GRM8: variants seen among roughly 807,000 people sequenced by gnomAD.
GRM8 encodes metabotropic glutamate receptor 8.
In GRM8, 47 loss-of-function variants were observed where a neutral mutation model predicts 87.2. The ratio of observed to expected loss-of-function variants is 0.54; its 90% CI spans 0.43 to 0.69. The LOEUF is 0.69. Among genes scored for constraint, GRM8 ranks in the 30% least tolerant of loss-of-function variants. The pLI, the probability that GRM8 is intolerant of heterozygous loss-of-function variation, is 0.00. For synonymous variants in GRM8, 396 were observed against 404.5 expected, an observed-to-expected ratio of 0.98 and a Z score of 0.25; for missense variants, 1,019 against 1,139.2, an observed-to-expected ratio of 0.89 and a Z score of 1.52.
chr7:126,666,712 A>T (rs775764278), intron 7 of GRM8, among the ~76,000 whole-genome samples: 2 of 152,170 alleles, frequency 1.3e-5, no homozygotes, highest in Non-Finnish European at 2.9e-5. Context: ...AAGAACAAAA[A>T]TAGTAACAAC....
chr7:127,212,357 A>G (rs902132039), intron 2 of GRM8, among the ~76,000 whole-genome samples: 61 of 151,880 alleles, frequency 4.0e-4, no homozygotes, highest in African/African-American at 1.3e-3. Context: ...TATTTGATCT[A>G]CAGCCTGATA....
intron 7 of GRM8, among the ~76,000 whole-genome samples, chr7:126,745,726 TA>T (rs1815587142): frequency 1.3e-5 from 2 of 151,732 alleles, no homozygotes; most frequent in Non-Finnish European, 1.5e-5. Flanking sequence ...CCTCTGCTTG[TA>T]AACATATTCT....
At chr7:127,148,263 T>C (rs191476537) in intron 2 of GRM8, among the ~76,000 whole-genome samples, 2 of 151,586 alleles carry the variant, frequency 1.3e-5, no homozygotes, top group Admixed American at 6.6e-5. Context: ...AAGGGATCAA[T>C]TCATCAAGAG....
At chr7:127,120,495 C>T (rs1378183095) in intron 2 of GRM8, among the ~76,000 whole-genome samples, 1 of 152,134 alleles carries the variant, frequency 6.6e-6, no homozygotes, top group Non-Finnish European at 1.5e-5. Context: ...GAATTTCAGG[C>T]CCCACCCCAG....
At chr7:127,163,481 G>T (rs1390207882) in intron 2 of GRM8, among the ~76,000 whole-genome samples, 1 of 152,156 alleles carries the variant, frequency 6.6e-6, no homozygotes, top group African/African-American at 2.4e-5. Flanking sequence ...GTGGTAGGGG[G>T]TTCCCCCTGT....
chr7:127,203,267 C>T (rs1377902547), intron 2 of GRM8, among the ~76,000 whole-genome samples: 4 of 152,146 alleles, frequency 2.6e-5, no homozygotes, highest in African/African-American at 9.7e-5. Context: ...GAAACAGAGA[C>T]TGGGGGTTAT....
At chr7:126,642,883 G>A (rs1350359585) in intron 7 of GRM8, among the ~76,000 whole-genome samples, 2 of 152,020 alleles carry the variant, frequency 1.3e-5, no homozygotes, top group African/African-American at 2.4e-5. Context: ...CATAAAATGG[G>A]GGTGACAATA....
intron 9 of GRM8, among the ~76,000 whole-genome samples, chr7:126,456,907 A>C (rs954405341): frequency 6.6e-6 from 1 of 151,602 alleles, no homozygotes; most frequent in African/African-American, 2.4e-5. Context: ...CACAAAAACA[A>C]ATGACCAAAA....
chr7:126,994,693 C>T (rs1350481602), intron 3 of GRM8, among the ~76,000 whole-genome samples: 1 of 152,014 alleles, frequency 6.6e-6, no homozygotes, highest in African/African-American at 2.4e-5. Flanking sequence ...AGAGCTTTGT[C>T]TTATGGTCTG....
At chr7:126,961,104 T>C (rs1313576713) in intron 3 of GRM8, among the ~76,000 whole-genome samples, 2 of 152,236 alleles carry the variant, frequency 1.3e-5, no homozygotes, top group Non-Finnish European at 2.9e-5. Flanking sequence ...TGTATAGCTC[T>C]CAAAACTCAA....
At chr7:126,895,339 A>G (rs1801441095) in intron 6 of GRM8, among the ~76,000 whole-genome samples, 1 of 152,054 alleles carries the variant, frequency 6.6e-6, no homozygotes, top group Non-Finnish European at 1.5e-5. Context: ...TTCAGGTGCT[A>G]TGGTTATCAT....
chr7:126,818,804 T>C (rs1002150882), intron 6 of GRM8, among the ~76,000 whole-genome samples: 21 of 152,184 alleles, frequency 1.4e-4, no homozygotes, highest in Admixed American at 7.2e-4. Context: ...GAAATGATAG[T>C]AGTAAGGTGA....
chr7:127,014,964 G>A (rs1251448531), intron 3 of GRM8, among the ~76,000 whole-genome samples: 1 of 141,346 alleles, frequency 7.1e-6, no homozygotes, highest in Non-Finnish European at 1.5e-5. Flanking sequence ...AGAAGAAGAA[G>A]AAGAGGAAGA....
intron 3 of GRM8, among the ~76,000 whole-genome samples, chr7:127,021,350 T>TTTTTTTTTTTTTTTTTTTTTGAGACGG (rs1554570998): frequency 6.6e-6 from 1 of 151,460 alleles, no homozygotes; most frequent in Non-Finnish European, 1.5e-5. Flanking sequence ...AAATTTTTTT[T>TTTTTTTTTTTTTTTTTTTTTGAGACGG]AAAGAAATCA....
intron 7 of GRM8, among the ~76,000 whole-genome samples, chr7:126,646,123 T>C (rs1803018032): frequency 6.6e-6 from 1 of 152,148 alleles, no homozygotes; most frequent in Non-Finnish European, 1.5e-5. Flanking sequence ...TATGTCTTAC[T>C]GCTTTCTTAA....
At chr7:127,041,694 G>A (rs1042674570) in intron 3 of GRM8, among the ~76,000 whole-genome samples, 1 of 152,192 alleles carries the variant, frequency 6.6e-6, no homozygotes, top group Admixed American at 6.5e-5. Context: ...AGCCTGCTGT[G>A]TAAAATGAAG....
intron 6 of GRM8, among the ~76,000 whole-genome samples, chr7:126,808,374 C>A (rs1258645624): frequency 6.6e-6 from 1 of 152,078 alleles, no homozygotes; most frequent in East Asian, 1.9e-4. Flanking sequence ...TCCCATCATG[C>A]AAAATAAACA....
intron 7 of GRM8, among the ~76,000 whole-genome samples, chr7:126,638,923 A>T (rs1252412169): frequency 6.6e-6 from 1 of 152,026 alleles, no homozygotes; most frequent in Non-Finnish European, 1.5e-5. Context: ...CCCCACTGCC[A>T]CTTCTGTACT....
intron 8 of GRM8, among the ~76,000 whole-genome samples, chr7:126,535,516 C>A (rs1584980285): frequency 6.6e-6 from 1 of 152,308 alleles, no homozygotes; most frequent in Non-Finnish European, 1.5e-5. Flanking sequence ...GAGCAGCAGG[C>A]AGAGAGCAGC....
Sources: allele counts gnomAD v4.1 joint callset (sites outside exome capture counted in the v4.1 genomes callset), GRCh38; gene constraint gnomAD v4.1.1; transcripts MANE v1.5; gene names NCBI Gene and HGNC (gene_info 2026-07-23, HGNC 2026-07-21).